Variants in ARFGEF1 observed in about 807,000 individuals in gnomAD.
The protein encoded by ARFGEF1 is brefeldin A-inhibited guanine nucleotide-exchange protein 1.
A neutral mutation model predicts 231.0 loss-of-function variants in ARFGEF1; 42 were observed. The ratio of observed to expected loss-of-function variants is 0.18; its 90% CI spans 0.14 to 0.24. ARFGEF1 has a LOEUF of 0.24. Among genes scored for constraint, ARFGEF1 ranks in the 10% least tolerant of loss-of-function variants. ARFGEF1 has a pLI of 1.00. For missense variants in ARFGEF1, 1,345 were observed against 2,192.0 expected, an observed-to-expected ratio of 0.61 and a Z score of 7.72; for synonymous variants, 710 against 732.3, an observed-to-expected ratio of 0.97 and a Z score of 0.49.
chr8:67,202,250 TTC>T (rs1838356704), intron 36 of ARFGEF1, among the ~76,000 whole-genome samples: 1 of 152,096 alleles, frequency 6.6e-6, no homozygotes, highest in Non-Finnish European at 1.5e-5. Context: ...ATAATTATAT[TTC>T]TTTCTTTTTT....
chr8:67,311,612 TG>T (rs1208329779), intron 1 of ARFGEF1, among the ~76,000 whole-genome samples: 2 of 90,470 alleles, frequency 2.2e-5, no homozygotes, highest in Admixed American at 1.1e-4. Flanking sequence ...GGGAGGGAGG[TG>T]GGGGGGTCAG....
At chr8:67,195,517 T>TGAC, downstream of ARFGEF1, 1 of 1,614,206 alleles carries the variant, frequency 6.2e-7, no homozygotes, top group Middle Eastern at 1.7e-4. Flanking sequence ...GCAGAGCAGC[T>TGAC]GAACCAGGAG....
intron 1 of ARFGEF1, among the ~76,000 whole-genome samples, chr8:67,324,762 A>G (rs1281142540): frequency 6.6e-6 from 1 of 152,244 alleles, no homozygotes; most frequent in Non-Finnish European, 1.5e-5. Flanking sequence ...GACACACTTA[A>G]GATGTTCAAT....
chr8:67,286,865 C>T (rs886515520), intron 7 of ARFGEF1, among the ~76,000 whole-genome samples: 8 of 152,132 alleles, frequency 5.3e-5, no homozygotes, highest in Admixed American at 4.6e-4. Flanking sequence ...TTTTCCATTA[C>T]GTATTTCATA....
intron 2 of ARFGEF1, 45 bp downstream of exon 2, chr8:67,302,391 C>A (rs746940419): frequency 2.3e-5 from 35 of 1,503,070 alleles, no homozygotes; most frequent in Non-Finnish European, 2.9e-5. Context: ...CCAAGACTGA[C>A]AAGTTTGAAA....
intron 17 of ARFGEF1, among the ~76,000 whole-genome samples, chr8:67,254,906 A>C (rs573517077): frequency 6.6e-6 from 1 of 152,294 alleles, no homozygotes; most frequent in South Asian, 2.1e-4. Flanking sequence ...GCACTAAAAA[A>C]AAAAAATGAA....
chr8:67,177,858 A>G, intron 5 of ARFGEF1: 1 of 730,226 alleles, frequency 1.4e-6, no homozygotes, highest in Non-Finnish European at 2.5e-6. Context: ...TTATCAGTAA[A>G]GTGGATAGCT....
At chr8:67,220,701 A>G (rs985159123) in intron 29 of ARFGEF1, among the ~76,000 whole-genome samples, 2 of 152,098 alleles carry the variant, frequency 1.3e-5, no homozygotes, top group East Asian at 3.9e-4. Context: ...CCTCCTTGCA[A>G]TGGAACAAGG....
chr8:67,340,252 T>C (rs1808564671), intron 1 of ARFGEF1, among the ~76,000 whole-genome samples: 1 of 152,230 alleles, frequency 6.6e-6, no homozygotes, highest in African/African-American at 2.4e-5. Flanking sequence ...GTATGCTCAA[T>C]AAATATTTGG....
At chr8:67,327,292 G>A (rs906984411) in intron 1 of ARFGEF1, among the ~76,000 whole-genome samples, 10 of 150,538 alleles carry the variant, frequency 6.6e-5, no homozygotes, top group African/African-American at 2.2e-4. Context: ...TTCTTCAGAA[G>A]CATACAGACT....
At chr8:67,302,071 C>T (rs1408471323) in intron 2 of ARFGEF1, among the ~76,000 whole-genome samples, 1 of 151,706 alleles carries the variant, frequency 6.6e-6, no homozygotes, top group Non-Finnish European at 1.5e-5. Context: ...TGGTGGTGCT[C>T]GCCTGTAGTC....
chr8:67,284,333 A>G (rs1454983884), intron 7 of ARFGEF1, among the ~76,000 whole-genome samples: 1 of 152,178 alleles, frequency 6.6e-6, no homozygotes, highest in Non-Finnish European at 1.5e-5. Flanking sequence ...CCTAACCCCC[A>G]GAGATAAACT....
chr8:67,200,905 GTC>G (rs1040724849), intron 37 of ARFGEF1, among the ~76,000 whole-genome samples: 1 of 152,186 alleles, frequency 6.6e-6, no homozygotes, highest in Non-Finnish European at 1.5e-5. Context: ...TAATCAATCA[GTC>G]TTGTCAATCA....
At chr8:67,312,152 T>C (rs1019939664) in intron 1 of ARFGEF1, among the ~76,000 whole-genome samples, 1 of 151,596 alleles carries the variant, frequency 6.6e-6, no homozygotes, top group African/African-American at 2.4e-5. Flanking sequence ...TGTTCACTTG[T>C]TTATCTGCTG....
chr8:67,238,959 A>G, intron 20 of ARFGEF1, 66 bp from the exon 21 acceptor site: 1 of 1,252,858 alleles, frequency 8.0e-7, no homozygotes, highest in Non-Finnish European at 1.1e-6. Flanking sequence ...TTCCCCACCA[A>G]CAAACTCTGT....
At chr8:67,205,893 T>A (rs1444212583) in intron 34 of ARFGEF1, among the ~76,000 whole-genome samples, 1 of 147,530 alleles carries the variant, frequency 6.8e-6, no homozygotes, top group Non-Finnish European at 1.5e-5. Flanking sequence ...AATAAATAAA[T>A]AAAATTAAAA....
chr8:67,266,775 A>G, intron 13 of ARFGEF1, 101 bp downstream of exon 13: 2 of 790,198 alleles, frequency 2.5e-6, no homozygotes, highest in Non-Finnish European at 3.9e-6. Context: ...AGTTAAATGA[A>G]TAAATATGTC....
chr8:67,242,268 C>T (rs1426421691), intron 19 of ARFGEF1, among the ~76,000 whole-genome samples: 1 of 152,192 alleles, frequency 6.6e-6, no homozygotes, highest in African/African-American at 2.4e-5. Flanking sequence ...CACCCCTCCC[C>T]CAAGCATAGC....
intron 5 of ARFGEF1, among the ~76,000 whole-genome samples, chr8:67,294,199 A>C (rs1235332754): frequency 6.6e-6 from 1 of 152,176 alleles, no homozygotes; most frequent in Admixed American, 6.5e-5. Context: ...TGCAAATATT[A>C]CACCATTTTA....
Sources: gnomAD v4.1 joint callset for allele counts (sites outside exome capture counted in the v4.1 genomes callset) on GRCh38, gnomAD v4.1.1 for gene constraint, MANE v1.5 for transcripts, NCBI Gene and HGNC (gene_info 2026-07-23, HGNC 2026-07-21) for gene names.